LTO1: variants seen among roughly 807,000 people sequenced by gnomAD.
LTO1 encodes LTO1 maturation factor of ABCE1.
A neutral mutation model predicts 19.8 loss-of-function variants in LTO1; 18 were observed. The ratio of observed to expected loss-of-function variants is 0.91; its 90% CI spans 0.63 to 1.35. The LOEUF (loss-of-function observed/expected upper bound fraction) is 1.35. Ranked by LOEUF, LTO1 falls within the 40% of genes most tolerant of loss-of-function variation. The pLI is 0.00. For missense variants in LTO1, 175 were observed against 167.9 expected, an observed-to-expected ratio of 1.04 and a Z score of -0.23; for synonymous variants, 59 against 59.6, an observed-to-expected ratio of 0.99 and a Z score of 0.05.
chr11:69,674,426 C>G (rs1856157582), intron 1 of LTO1: 1 of 256,654 alleles, frequency 3.9e-6, no homozygotes, highest in Non-Finnish European at 7.8e-6. Context: ...ACCAAACATG[C>G]AAGGAGTGGG....
chr11:69,671,964 C>A, intron 2 of LTO1, 145 bp from the exon 3 acceptor site: 1 of 634,224 alleles, frequency 1.6e-6, no homozygotes, highest in Non-Finnish European at 2.9e-6. Flanking sequence ...GAGCATTAGG[C>A]AATGGAAATT....
chr11:69,675,167 G>A (rs773698892), intron 1 of LTO1, 23 bp downstream of exon 1: 1 of 1,590,400 alleles, frequency 6.3e-7, no homozygotes, highest in East Asian at 2.3e-5. Context: ...AGGGCGGGGT[G>A]CGGGCCCGGC....
intron 1 of LTO1, 126 bp from the exon 2 acceptor site, chr11:69,673,447 A>C: frequency 3.1e-6 from 2 of 648,140 alleles, no homozygotes; most frequent in Non-Finnish European, 5.5e-6. Flanking sequence ...AAAGCCTAAA[A>C]TTCAAGTCAG....
intron 1 of LTO1, 53 bp from the exon 2 acceptor site, chr11:69,673,374 C>T: frequency 8.1e-7 from 1 of 1,233,116 alleles, no homozygotes; most frequent in Non-Finnish European, 1.2e-6. Context: ...AATACTTTCT[C>T]CAGAAAAACT....
At chr11:69,674,776 A>G (rs1345641785) in intron 1 of LTO1, 1 of 463,560 alleles carries the variant, frequency 2.2e-6, no homozygotes, top group Non-Finnish European at 4.3e-6. Flanking sequence ...TCTGGAGGGA[A>G]AAGGGGTGTG....
chr11:69,672,855 T>G, intron 2 of LTO1: 1 of 344,846 alleles, frequency 2.9e-6, no homozygotes, highest in Non-Finnish European at 5.7e-6. Context: ...CAGGCTGCAG[T>G]GCAATGGCAC....
Position 69,675,235 on chromosome 11 carries a change from G to A in LTO1, c.5C>T (p.Ala2Val), listed in dbSNP as rs145610148. Residue 2 changes from alanine (A) to valine (V), a missense_variant, in exon 1 of 5, where the codon GCT becomes GTT. Coordinates refer to ENST00000279147, the MANE Select transcript of LTO1 (RefSeq NM_153451.3). ...GGCATCGAATATGTCCTGACTGCCAGCCATAGCGGCAAGCAGCCCGCCCTT... is the reference window on the plus strand; with the variant it reads ...GGCATCGAATATGTCCTGACTGCCAACCATAGCGGCAAGCAGCCCGCCCTT... MAGSQDIFDAIV... is the reference protein window; with the variant it reads MVGSQDIFDAIV... The A allele has an allele frequency of 6.6e-7, 1 of 1,504,652 alleles. No individual in the cohort carries two copies. Among genetic ancestry groups the A allele is most frequent in the Non-Finnish European group, 8.9e-7 (1 of 1,128,378 alleles). The allele number at this position is 1,504,652 out of a possible 1,614,324, so 93.2% of individuals were successfully genotyped here.
intron 1 of LTO1, 155 bp downstream of exon 1, chr11:69,675,035 C>T: frequency 1.4e-6 from 1 of 715,244 alleles, no homozygotes; most frequent in Non-Finnish European, 2.5e-6. Flanking sequence ...GCATCAGGCC[C>T]ACACTTGTCC....
intron 3 of LTO1, 37 bp downstream of exon 3, chr11:69,671,712 T>C (rs990969594): frequency 8.4e-7 from 1 of 1,188,832 alleles, no homozygotes; most frequent in Admixed American, 1.7e-5. Flanking sequence ...GAACTCCTGG[T>C]TCCTACGCTG....
Position 69,666,971 on chromosome 11 carries a change from C to G in LTO1, c.*548G>C, listed in dbSNP as rs1178080382. 1 of 152,614 alleles carries G rather than the reference C, an allele frequency of 6.6e-6. No homozygotes were observed. 9.5% of individuals were successfully genotyped at this position (152,614 alleles called of 1,614,324 possible). ...CTTAGACCAGGCAATCCCTTCGCGT[C>G]TCCCCTCCCTCCTCTGTAAAATGAG... On this transcript the variant is annotated 3_prime_UTR_variant, in exon 5 of 5. Transcript: ENST00000279147.
Position 69,666,148 on chromosome 11 carries a change from C to G in LTO1, c.*1371G>C, listed in dbSNP as rs749960173. The stretch of plus-strand genomic sequence containing the variant: ...CCAAACTCGGCGACAGAGTGAGACT[C>G]CGTCTTAAAAGAAAAAACAAAACAA... On this transcript the variant is annotated 3_prime_UTR_variant, in exon 5 of 5. Transcript: ENST00000279147. 3 of 152,202 alleles carry G rather than the reference C, an allele frequency of 2.0e-5. No homozygotes were observed. Among genetic ancestry groups the G allele is most frequent in the African/African-American group, 7.2e-5 (3 of 41,448 alleles). 9.4% of individuals were successfully genotyped at this position (152,202 alleles called of 1,614,324 possible). A position where few individuals can be genotyped will look rare whatever the true frequency, so the allele number is the denominator to read the frequency against.
At chr11:69,675,004 G>C (rs935638670) in intron 1 of LTO1, 186 bp downstream of exon 1, 15 of 696,618 alleles carry the variant, frequency 2.2e-5, no homozygotes, top group South Asian at 6.1e-5. Flanking sequence ...CGCCGGAGCG[G>C]GCCAGGAGAA....
rs535083782 is a variant in LTO1 at position 69,667,126 on chromosome 11, C to A, written c.*393G>T. On this transcript the variant is annotated 3_prime_UTR_variant, in exon 5 of 5. Coordinates refer to ENST00000279147, the MANE Select transcript of LTO1 (RefSeq NM_153451.3). Reference sequence around the variant, plus strand: ...GTCCAAACCTCCCATGAGCCTCATTCGGGGCCAACCATCTCTCTCATTGCA... The same window carrying A: ...GTCCAAACCTCCCATGAGCCTCATTAGGGGCCAACCATCTCTCTCATTGCA... 1.9e-3 allele frequency: 346 copies of A among 185,638 alleles called. 1 individual carries two copies. The highest frequency in any genetic ancestry group is 2.7e-3 in the South Asian group (18 of 6,728). 11.5% of individuals were successfully genotyped at this position (185,638 alleles called of 1,614,324 possible). A position where few individuals can be genotyped will look rare whatever the true frequency, so the allele number is the denominator to read the frequency against.
Position 69,667,884 on chromosome 11 carries a change from A to T in LTO1, c.345+11T>A, listed in dbSNP as rs775947649. 7.4e-6 allele frequency: 9 copies of T among 1,212,774 alleles called. No individual in the cohort carries two copies. The highest frequency in any genetic ancestry group is 8.6e-6 in the Non-Finnish European group (7 of 813,182). 75.1% of individuals were successfully genotyped at this position (1,212,774 alleles called of 1,614,324 possible). On this transcript the variant is annotated intron_variant, in intron 4 of 4. Transcript: ENST00000279147. ...GTGCTCCTAGCAGGAGGAAACACACAGTGCACGCACCTGTTTAAATTTTCC... is the reference window on the plus strand; with the variant it reads ...GTGCTCCTAGCAGGAGGAAACACACTGTGCACGCACCTGTTTAAATTTTCC...
At chr11:69,670,929 T>C (rs1789367) in intron 3 of LTO1, among the ~76,000 whole-genome samples, 152,269 of 152,362 alleles carry the variant, frequency 1, 76,088 homozygotes, top group Middle Eastern at 1. Flanking sequence ...GAGAAGGAGT[T>C]TTGCTCTGTC....
Position 69,671,772 on chromosome 11 carries a change from G to T in LTO1, c.204C>A (p.His68Gln). 6.2e-7 allele frequency: 1 copy of T among 1,600,088 alleles called. No individual in the cohort carries two copies. The highest frequency in any genetic ancestry group is 8.6e-7 in the Non-Finnish European group (1 of 1,167,210). ...ACCTGTCCTTCTCAGTGGTGCAACT[G>T]TGCAGTAGACATTTCCATGCAAAAG... ...GFAFAWKCLL[H>Q]SCTTEKDSRK... The change falls in exon 3 of 5, where the codon CAC becomes CAA. Residue 68 changes from histidine to glutamine, a missense_variant. Coordinates refer to ENST00000279147, the MANE Select transcript of LTO1 (RefSeq NM_153451.3).
Position 69,675,206 on chromosome 11 carries a change from C to T in LTO1, c.34G>A (p.Val12Met). 1 of 1,556,036 alleles carries T rather than the reference C, an allele frequency of 6.4e-7. No individual in the cohort carries two copies. Among genetic ancestry groups the T allele is most frequent in the Non-Finnish European group, 8.6e-7 (1 of 1,157,074 alleles). ...ACCACCCACCTCTCATCCGCCATCA[C>T]GATGGCATCGAATATGTCCTGACTG... Reference protein sequence around the residue: ...AGSQDIFDAIVMADERFHGEG... With the variant: ...AGSQDIFDAIMMADERFHGEG... Residue 12 changes from valine (V) to methionine (M), a missense_variant, in exon 1 of 5, where the codon GTG becomes ATG. By Grantham distance (21) the Val-to-Met change is conservative. Coordinates refer to ENST00000279147, the MANE Select transcript of LTO1 (RefSeq NM_153451.3).
intron 3 of LTO1, among the ~76,000 whole-genome samples, chr11:69,670,716 G>A (rs757447306): frequency 2.6e-5 from 4 of 152,134 alleles, no homozygotes; most frequent in Admixed American, 6.5e-5. Context: ...CCCCTCCCAC[G>A]CTAGGCAAGG....
At chr11:69,675,078 C>T (rs1480797738) in intron 1 of LTO1, 112 bp downstream of exon 1, 1 of 940,696 alleles carries the variant, frequency 1.1e-6, no homozygotes. Flanking sequence ...CTCCCCAATG[C>T]GCACGCCCAA....
Sources: allele counts gnomAD v4.1 joint callset (sites outside exome capture counted in the v4.1 genomes callset), GRCh38; gene constraint gnomAD v4.1.1; transcripts MANE v1.5; gene names NCBI Gene and HGNC (gene_info 2026-07-23, HGNC 2026-07-21).